The following SEL1L3 variants were observed in gnomAD, a reference collection of about 807,000 sequenced individuals.
SEL1L3 encodes SEL1L family member 3.
Under a neutral mutation model 142.8 loss-of-function variants are expected in SEL1L3, and 76 were observed. That is an observed-to-expected ratio of 0.53 (90% CI 0.44 to 0.64). The LOEUF (loss-of-function observed/expected upper bound fraction) is 0.64. Among genes scored for constraint, SEL1L3 ranks in the 30% least tolerant of loss-of-function variants. SEL1L3 has a pLI of 0.00. For missense variants in SEL1L3, 1,262 were observed against 1,381.7 expected (o/e 0.91, Z 1.37); for synonymous variants, 504 against 519.6 (o/e 0.97, Z 0.41).
At chr4:25,769,311 G>C (rs557641403) in intron 17 of SEL1L3, among the ~76,000 whole-genome samples, 1 of 152,154 alleles carries the variant, frequency 6.6e-6, no homozygotes, top group Admixed American at 6.5e-5. Flanking sequence ...TAGACCTTCA[G>C]TCAGACATGC....
intron 23 of SEL1L3, among the ~76,000 whole-genome samples, chr4:25,751,754 T>C (rs55765548): frequency 0.031 from 4,685 of 151,450 alleles, 246 homozygotes; most frequent in African/African-American, 0.11. Flanking sequence ...ATTGAAAGTA[T>C]CAATTGAGCT....
At chr4:25,743,080 G>C (rs898682145), downstream of SEL1L3, among the ~76,000 whole-genome samples, 1 of 152,144 alleles carries the variant, frequency 6.6e-6, no homozygotes, top group Non-Finnish European at 1.5e-5. Flanking sequence ...GCGGCAAATC[G>C]GAAAGGACAG....
the SEL1L3 span, among the ~76,000 whole-genome samples, chr4:25,736,977 TTTTC>T: frequency 8.1e-6 from 1 of 122,842 alleles, no homozygotes; most frequent in African/African-American, 2.8e-5. Context: ...TACTCTTTTT[TTTTC>T]TTTTTCTTTT....
chr4:25,715,439 C>T, the SEL1L3 span, among the ~76,000 whole-genome samples: 1 of 152,064 alleles, frequency 6.6e-6, no homozygotes, highest in African/African-American at 2.4e-5. Context: ...ATGTTATTGT[C>T]CATGGTAGAG....
chr4:25,800,820 C>T (rs180797635), intron 11 of SEL1L3, among the ~76,000 whole-genome samples: 1 of 152,160 alleles, frequency 6.6e-6, no homozygotes, highest in Admixed American at 6.5e-5. Context: ...CATAGACAGC[C>T]TTTTGGTGTT....
At chr4:25,798,659 C>A (rs1712955581) in intron 11 of SEL1L3, among the ~76,000 whole-genome samples, 1 of 152,202 alleles carries the variant, frequency 6.6e-6, no homozygotes, top group Non-Finnish European at 1.5e-5. Context: ...GAAATCCCGT[C>A]TTCCCTAAAA....
At chr4:25,775,019 TA>T (rs1386686464) in intron 17 of SEL1L3, among the ~76,000 whole-genome samples, 2 of 152,174 alleles carry the variant, frequency 1.3e-5, no homozygotes, top group Admixed American at 1.3e-4. Context: ...TCTGAATGTT[TA>T]GTTCATCCTA....
At chr4:25,727,060 T>G in the SEL1L3 span, among the ~76,000 whole-genome samples, 1 of 59,600 alleles carries the variant, frequency 1.7e-5, no homozygotes, top group South Asian at 4.2e-4. Context: ...TTTAATTTTC[T>G]TTTTTTTTTT....
the SEL1L3 span, among the ~76,000 whole-genome samples, chr4:25,742,074 A>T: frequency 1.3e-5 from 2 of 151,390 alleles, no homozygotes; most frequent in African/African-American, 2.4e-5. Context: ...GGCCTCCCAA[A>T]TTGCTGGGAT....
intron 11 of SEL1L3, among the ~76,000 whole-genome samples, chr4:25,796,116 C>T (rs1175801892): frequency 1.3e-5 from 2 of 152,166 alleles, no homozygotes; most frequent in African/African-American, 4.8e-5. Flanking sequence ...TATCTTAATA[C>T]TGCTGAGCAA....
In SEL1L3 at chr4:25,784,283, C is replaced by G. The variant is rs757477556; in HGVS notation, c.2225G>C (p.Gly742Ala). Residue 742 changes from glycine (G) to alanine (A), a missense_variant, in exon 14 of 24, where the codon GGA becomes GCA. By Grantham distance (60) the Gly-to-Ala change is moderately conservative. Around this residue, in one of 3 missense-constraint regions of SEL1L3, gnomAD observed 435 missense variants for 559.2 expected, o/e 0.78. Transcript: ENST00000399878. ...GGCAAGCCGTCTGTTCTTTTTTACTCCTTGACCCTAAACATTGATAAACAG... is the reference window on the plus strand; with the variant it reads ...GGCAAGCCGTCTGTTCTTTTTTACTGCTTGACCCTAAACATTGATAAACAG... ...DYAIVLFKGQ[G>A]VKKNRRLALE... 14 of 1,613,270 alleles carry G rather than the reference C, an allele frequency of 8.7e-6. No homozygotes were observed. Among genetic ancestry groups the G allele is most frequent in the Non-Finnish European group, 1.2e-5 (14 of 1,179,448 alleles).
intron 9 of SEL1L3, among the ~76,000 whole-genome samples, chr4:25,806,187 C>G (rs992423126): frequency 6.6e-6 from 1 of 151,644 alleles, no homozygotes; most frequent in African/African-American, 2.4e-5. Context: ...TACAGGCGCC[C>G]GCCAGCACGC....
At chr4:25,832,813 G>A (rs1403264911) in intron 5 of SEL1L3, among the ~76,000 whole-genome samples, 182 bp downstream of exon 5, 1 of 152,122 alleles carries the variant, frequency 6.6e-6, no homozygotes, top group African/African-American at 2.4e-5. Flanking sequence ...AAATGGGATG[G>A]GATTCTTATG....
chr4:25,851,945 G>A (rs1299772063), intron 1 of SEL1L3, among the ~76,000 whole-genome samples: 1 of 151,112 alleles, frequency 6.6e-6, no homozygotes, highest in African/African-American at 2.4e-5. Flanking sequence ...AAATGGCAGA[G>A]GGAATAGGAG....
At chr4:25,782,020 C>T (rs2109171036) in intron 15 of SEL1L3, among the ~76,000 whole-genome samples, 2 of 152,294 alleles carry the variant, frequency 1.3e-5, no homozygotes, top group East Asian at 3.9e-4. Flanking sequence ...TCACTGTTTC[C>T]CAGCTCCAGA....
intron 3 of SEL1L3, 62 bp downstream of exon 3, chr4:25,835,135 G>A: frequency 6.3e-7 from 1 of 1,597,826 alleles, no homozygotes; most frequent in South Asian, 1.1e-5. Context: ...CCACTAGCCT[G>A]CTCTGGTCCT....
Position 25,767,381 on chromosome 4 carries a change from A to T in SEL1L3, c.2845+144T>A, listed in dbSNP as rs2109139021. On this transcript the variant is annotated intron_variant, in intron 19 of 23. Transcript: ENST00000399878. ...TTGTGTGAGGCTGAGAGCAGAGTTT[A>T]GCGATCTTAATAGCAGAGATTTTTC... 2.2e-5 allele frequency: 14 copies of T among 630,830 alleles called. No homozygotes were observed. In the South Asian group the frequency reaches 2.8e-4, roughly 12 times the overall value. 39.1% of individuals were successfully genotyped at this position (630,830 alleles called of 1,614,324 possible). A position where few individuals can be genotyped will look rare whatever the true frequency, so the allele number is the denominator to read the frequency against.
chr4:25,814,722 T>A (rs557105117), intron 9 of SEL1L3, among the ~76,000 whole-genome samples: 1 of 152,278 alleles, frequency 6.6e-6, no homozygotes, highest in South Asian at 2.1e-4. Context: ...TACGGTTCTT[T>A]TTATAGGAGA....
At chr4:25,825,282 G>C (rs148600045) in intron 6 of SEL1L3, among the ~76,000 whole-genome samples, 2 of 151,988 alleles carry the variant, frequency 1.3e-5, no homozygotes, top group Non-Finnish European at 2.9e-5. Flanking sequence ...TTTTTCTCCC[G>C]CAAAATTCTC....
Sources: allele counts gnomAD v4.1 joint callset (sites outside exome capture counted in the v4.1 genomes callset), GRCh38; gene constraint gnomAD v4.1.1; regional missense constraint gnomAD v4.1.1; transcripts MANE v1.5; gene names NCBI Gene and HGNC (gene_info 2026-07-23, HGNC 2026-07-21).